Variants in RNF17 observed in about 807,000 individuals in gnomAD.
The protein encoded by RNF17 is ring finger protein 17, also known as spermatogenesis associated 23.
RNF17 carries 31 observed loss-of-function variants against 200.5 expected under a neutral mutation model. That is an observed-to-expected ratio of 0.15 (90% CI 0.12 to 0.21). The LOEUF (loss-of-function observed/expected upper bound fraction) is 0.21. Ranked by LOEUF, RNF17 falls within the 10% of genes least tolerant of loss-of-function variation. RNF17 has a pLI of 1.00. For missense variants in RNF17, 1,628 were observed against 1,905.1 expected, an observed-to-expected ratio of 0.85 and a Z score of 2.71; for synonymous variants, 606 against 637.8, an observed-to-expected ratio of 0.95 and a Z score of 0.75.
At chr13:24,853,111 A>T (rs1892117224) in intron 24 of RNF17, among the ~76,000 whole-genome samples, 1 of 152,148 alleles carries the variant, frequency 6.6e-6, no homozygotes, top group Non-Finnish European at 1.5e-5. Context: ...ACAGGGTTTC[A>T]TCATGTTGGC....
chr13:24,883,397 C>A, downstream of RNF17: 2 of 1,491,438 alleles, frequency 1.3e-6, no homozygotes. Context: ...AATATGATTT[C>A]TTAAAAAAAA....
chr13:24,849,083 A>G (rs988362642), intron 22 of RNF17, among the ~76,000 whole-genome samples: 3 of 152,164 alleles, frequency 2.0e-5, no homozygotes, highest in Non-Finnish European at 4.4e-5. Flanking sequence ...CCAGCTACTC[A>G]GGAGACCAAG....
Position 24,874,218 on chromosome 13 carries a change from T to G in RNF17, c.4552T>G (p.Tyr1518Asp). 1 of 1,605,560 alleles carries G rather than the reference T, an allele frequency of 6.2e-7. No individual in the cohort carries two copies. Among genetic ancestry groups the G allele is most frequent in the Non-Finnish European group, 8.5e-7 (1 of 1,176,682 alleles). ...ATCTATCTTAGTACAATTTGTTGATTATGGATCAACTGCAAAGCTGACATT... is the reference window on the plus strand; with the variant it reads ...ATCTATCTTAGTACAATTTGTTGATGATGGATCAACTGCAAAGCTGACATT... Reference protein sequence around the residue: ...PLSILVQFVDYGSTAKLTLNR... With the variant: ...PLSILVQFVDDGSTAKLTLNR... Residue 1518 changes from tyrosine to aspartate, a missense_variant, in exon 33 of 36, where the codon TAT becomes GAT. Tyr to Asp is a radical substitution (Grantham distance 160). This residue lies in a region of RNF17 where 609 missense variants were observed against 681.9 expected (regional missense o/e 0.89). Transcript: ENST00000255324.
At chr13:24,844,898 G>T in intron 21 of RNF17, 63 bp from the exon 22 acceptor site, 2 of 1,557,350 alleles carry the variant, frequency 1.3e-6, no homozygotes, top group Admixed American at 1.8e-5. Context: ...GAGTTTTTCA[G>T]TTTGCCAAAA....
At chr13:24,827,724 A>AAAAAAAC (rs1888884148) in intron 16 of RNF17, among the ~76,000 whole-genome samples, 1 of 148,902 alleles carries the variant, frequency 6.7e-6, no homozygotes, top group Non-Finnish European at 1.5e-5. Context: ...AAAACAAAAA[A>AAAAAAAC]AAAAAAACAA....
intron 11 of RNF17, among the ~76,000 whole-genome samples, chr13:24,797,749 C>T (rs1386415463): frequency 3.3e-5 from 1 of 30,236 alleles, no homozygotes; most frequent in African/African-American, 1.1e-4. Flanking sequence ...TGTGTGTTTA[C>T]CCTGCAATGG....
intron 15 of RNF17, among the ~76,000 whole-genome samples, chr13:24,825,355 G>A (rs1888504653): frequency 1.3e-5 from 2 of 152,156 alleles, no homozygotes; most frequent in South Asian, 2.1e-4. Flanking sequence ...TACAGTGAGT[G>A]TGTGTATGTA....
the RNF17 span, chr13:24,886,027 G>C: frequency 1.1e-5 from 4 of 374,050 alleles, no homozygotes; most frequent in African/African-American, 2.1e-5. Context: ...TGGGTATTTA[G>C]TTAAAACATA....
At chr13:24,852,555 T>C (rs1892056893) in intron 24 of RNF17, among the ~76,000 whole-genome samples, 1 of 152,190 alleles carries the variant, frequency 6.6e-6, no homozygotes, top group Non-Finnish European at 1.5e-5. Context: ...CCTTAACTTA[T>C]ATCTTACCTT....
At chr13:24,778,459 C>A in intron 4 of RNF17, 53 bp downstream of exon 4, 1 of 1,115,590 alleles carries the variant, frequency 9.0e-7, no homozygotes, top group Non-Finnish European at 1.4e-6. Context: ...TTGACTTTGT[C>A]TCTAGTAGCT....
the RNF17 span, among the ~76,000 whole-genome samples, chr13:24,748,842 C>G: frequency 6.6e-6 from 1 of 151,966 alleles, no homozygotes; most frequent in Non-Finnish European, 1.5e-5. Context: ...CTCCGCCTCC[C>G]GGGTCCAAGC....
the RNF17 span, among the ~76,000 whole-genome samples, chr13:24,887,091 C>T: frequency 0.067 from 10,125 of 152,016 alleles, 1,147 homozygotes; most frequent in African/African-American, 0.23. Context: ...TGGGTAGATA[C>T]TAGGGGAGGG....
chr13:24,780,855 C>T (rs549542778), intron 5 of RNF17, among the ~76,000 whole-genome samples: 4 of 151,578 alleles, frequency 2.6e-5, no homozygotes, highest in Non-Finnish European at 5.9e-5. Context: ...GTACTTCAGC[C>T]TGGTTGATGG....
intron 15 of RNF17, chr13:24,824,068 C>G: frequency 1.5e-6 from 1 of 645,480 alleles, no homozygotes; most frequent in South Asian, 1.9e-5. Flanking sequence ...AAGACCAAGA[C>G]CATTGTCATT....
chr13:24,843,528 A>T (rs35587188), intron 19 of RNF17, among the ~76,000 whole-genome samples: 35,079 of 151,756 alleles, frequency 0.23, 4,514 homozygotes, highest in Non-Finnish European at 0.29. Flanking sequence ...AAAAAAAAAA[A>T]TTTTTTTTGG....
intron 25 of RNF17, among the ~76,000 whole-genome samples, chr13:24,857,555 G>T (rs576659927): frequency 6.6e-6 from 1 of 152,124 alleles, no homozygotes; most frequent in African/African-American, 2.4e-5. Flanking sequence ...TGGGTGGAGC[G>T]TTTCCAAGTT....
At chr13:24,750,395 C>T in the RNF17 span, among the ~76,000 whole-genome samples, 85 of 152,224 alleles carry the variant, frequency 5.6e-4, no homozygotes, top group East Asian at 0.015. Flanking sequence ...GTCATGCAAC[C>T]ATCACTACAG....
rs574903536 is a variant in RNF17, at chr13:24,834,657, A to G, written c.2482+2679A>G. Among the ~76,000 whole-genome samples, 384 of 152,308 alleles carry G rather than the reference A, an allele frequency of 2.5e-3. 6 individuals carry two copies. The highest frequency in any genetic ancestry group is 9.1e-3 in the African/African-American group (380 of 41,576). ...AGAGATCCCAGCGAAATATAGGGGT[A>G]GAAGAAGCAGCAGAAAGGCCCTGGG... On this transcript the variant is annotated intron_variant, in intron 18 of 35. Transcript: ENST00000255324.
rs1203147427 is a variant in RNF17 at position 24,845,098 on chromosome 13, A to G, written c.3101+19A>G. On this transcript the variant is annotated intron_variant, in intron 22 of 35. Transcript: ENST00000255324. ...ACATAAGGTAGTTTTTAGCTGAGTA[A>G]TTTTCTCATTATTTTAAATATTTTT... 8 of 1,128,400 alleles carry G rather than the reference A, an allele frequency of 7.1e-6. No homozygotes were observed. The highest frequency in any genetic ancestry group is 4.7e-5 in the East Asian group (2 of 42,572). 69.9% of individuals were successfully genotyped at this position (1,128,400 alleles called of 1,614,324 possible). A position where few individuals can be genotyped will look rare whatever the true frequency, so the allele number is the denominator to read the frequency against.
Sources: gnomAD v4.1 joint callset for allele counts (sites outside exome capture counted in the v4.1 genomes callset) on GRCh38, gnomAD v4.1.1 for gene constraint, gnomAD v4.1.1 regional missense constraint, MANE v1.5 for transcripts, NCBI Gene and HGNC (gene_info 2026-07-23, HGNC 2026-07-21) for gene names.